Variants in RELCH observed in about 807,000 individuals in gnomAD.
The protein encoded by RELCH is RAB11 binding and LisH domain, coiled-coil and HEAT repeat containing.
Under a neutral mutation model 150.3 loss-of-function variants are expected in RELCH, and 41 were observed. The observed-to-expected ratio is 0.27, with a 90% CI of 0.21 to 0.35. The LOEUF (loss-of-function observed/expected upper bound fraction) is 0.35. RELCH is among the 10% of genes least tolerant of loss of function. RELCH has a pLI of 1.00. For synonymous variants in RELCH, 478 were observed against 531.8 expected (o/e 0.90, Z 1.39); for missense variants, 1,092 against 1,467.8 (o/e 0.74, Z 4.18).
intron 11 of RELCH, among the ~76,000 whole-genome samples, chr18:62,245,399 A>G (rs4574024): frequency 0.73 from 110,286 of 151,986 alleles, 40,297 homozygotes; most frequent in East Asian, 0.91. Context: ...GGAGGCAGGC[A>G]GATCATCTGA....
At chr18:62,258,235 T>C (rs1396268187) in intron 14 of RELCH, 147 bp downstream of exon 14, 1 of 779,930 alleles carries the variant, frequency 1.3e-6, no homozygotes, top group Non-Finnish European at 2.0e-6. Flanking sequence ...CTGCCTGGTT[T>C]CAATTTTGCA....
At chr18:62,221,355 T>C in intron 4 of RELCH, 29 bp from the exon 5 acceptor site, 1 of 1,546,714 alleles carries the variant, frequency 6.5e-7, no homozygotes, top group Non-Finnish European at 8.9e-7. Flanking sequence ...TACTTATGAT[T>C]TCCTGTTTGC....
chr18:62,223,424 T>C (rs1393389782), intron 5 of RELCH, among the ~76,000 whole-genome samples: 2 of 152,070 alleles, frequency 1.3e-5, no homozygotes, highest in Non-Finnish European at 2.9e-5. Context: ...TTATATTTAT[T>C]AAAGAAATAA....
At chr18:62,248,047 G>A (rs1328648783) in intron 11 of RELCH, among the ~76,000 whole-genome samples, 3 of 152,086 alleles carry the variant, frequency 2.0e-5, no homozygotes, top group Non-Finnish European at 4.4e-5. Flanking sequence ...GTTTTGGAAA[G>A]CTGCCATTAC....
At chr18:62,291,918 C>T (rs2045161171) in intron 27 of RELCH, among the ~76,000 whole-genome samples, 1 of 152,040 alleles carries the variant, frequency 6.6e-6, no homozygotes, top group Non-Finnish European at 1.5e-5. Flanking sequence ...AATATTAGTT[C>T]TCTCTGACCA....
intron 1 of RELCH, among the ~76,000 whole-genome samples, chr18:62,206,232 T>C (rs925570864): frequency 2.6e-5 from 4 of 152,128 alleles, no homozygotes; most frequent in African/African-American, 7.2e-5. Flanking sequence ...GTATTTTTAG[T>C]AGAGATGGGT....
intron 11 of RELCH, among the ~76,000 whole-genome samples, chr18:62,249,034 T>C (rs1024828940): frequency 3.9e-5 from 6 of 152,254 alleles, no homozygotes; most frequent in African/African-American, 1.4e-4. Flanking sequence ...AATAAAGCAG[T>C]TGAATGTTTT....
At chr18:62,292,207 G>T (rs1163660789) in intron 27 of RELCH, among the ~76,000 whole-genome samples, 2 of 151,900 alleles carry the variant, frequency 1.3e-5, no homozygotes, top group African/African-American at 4.8e-5. Flanking sequence ...GTGTCTATTG[G>T]TACATCATAT....
chr18:62,229,453 C>A (rs1388118920), intron 8 of RELCH, among the ~76,000 whole-genome samples: 40 of 151,118 alleles, frequency 2.6e-4, no homozygotes, highest in Non-Finnish European at 4.4e-5. Context: ...GCTTTCCACT[C>A]ATGAACCACA....
intron 28 of RELCH, among the ~76,000 whole-genome samples, chr18:62,304,928 T>C (rs1007243474): frequency 6.6e-6 from 1 of 152,220 alleles, no homozygotes; most frequent in African/African-American, 2.4e-5. Flanking sequence ...CAAAACTTCA[T>C]TGCAATTTAA....
intron 12 of RELCH, among the ~76,000 whole-genome samples, chr18:62,254,319 T>C (rs1279717221): frequency 6.6e-6 from 1 of 152,140 alleles, no homozygotes; most frequent in Non-Finnish European, 1.5e-5. Flanking sequence ...TTTGCCCTTT[T>C]GTTTTATTTA....
chr18:62,276,536 A>G (rs936723992), intron 22 of RELCH, among the ~76,000 whole-genome samples: 8 of 152,238 alleles, frequency 5.3e-5, no homozygotes, highest in African/African-American at 1.9e-4. Flanking sequence ...TTGCCCCAAT[A>G]TTCATGTGTT....
chr18:62,229,456 G>A (rs1431791136), intron 8 of RELCH, among the ~76,000 whole-genome samples: 1 of 150,782 alleles, frequency 6.6e-6, no homozygotes, highest in Non-Finnish European at 1.5e-5. Flanking sequence ...TTCCACTCAT[G>A]AACCACAGCT....
chr18:62,284,884 T>C (rs2044708588), intron 25 of RELCH, among the ~76,000 whole-genome samples: 1 of 152,138 alleles, frequency 6.6e-6, no homozygotes, highest in Non-Finnish European at 1.5e-5. Context: ...TGGAACACCG[T>C]AGAGTTGTTT....
intron 22 of RELCH, among the ~76,000 whole-genome samples, chr18:62,278,827 T>A (rs1409937299): frequency 6.6e-6 from 1 of 152,218 alleles, no homozygotes; most frequent in East Asian, 1.9e-4. Context: ...ATTATAGAGA[T>A]CTAGTTCTAC....
chr18:62,282,088 T>C (rs1205833633), intron 24 of RELCH, among the ~76,000 whole-genome samples: 1 of 152,224 alleles, frequency 6.6e-6, no homozygotes, highest in East Asian at 1.9e-4. Flanking sequence ...ATTTGTATTT[T>C]TTAATTAAGA....
intron 20 of RELCH, 21 bp from the exon 21 acceptor site, chr18:62,273,959 A>G (rs747802135): frequency 5.1e-6 from 7 of 1,382,592 alleles, no homozygotes; most frequent in Admixed American, 1.7e-5. Context: ...GAAATTCAGT[A>G]TCAGTATTTT....
chr18:62,215,064 CTTTACA>C (rs1392120692), intron 2 of RELCH, among the ~76,000 whole-genome samples: 1 of 152,126 alleles, frequency 6.6e-6, no homozygotes, highest in Non-Finnish European at 1.5e-5. Flanking sequence ...CGTTTTCAAT[CTTTACA>C]TGGACAGGCT....
intron 1 of RELCH, among the ~76,000 whole-genome samples, chr18:62,205,509 A>G (rs538116184): frequency 6.6e-6 from 1 of 152,234 alleles, no homozygotes; most frequent in Non-Finnish European, 1.5e-5. Flanking sequence ...TTCAGCATAA[A>G]GCGTTTGAGA....
Sources: gnomAD v4.1 joint callset for allele counts (sites outside exome capture counted in the v4.1 genomes callset) on GRCh38, gnomAD v4.1.1 for gene constraint, MANE v1.5 for transcripts, NCBI Gene and HGNC (gene_info 2026-07-23, HGNC 2026-07-21) for gene names.